KIF1C: variants seen among roughly 807,000 people sequenced by gnomAD.
KIF1C encodes kinesin-like protein KIF1C.
KIF1C carries 61 observed loss-of-function variants against 126.5 expected under a neutral mutation model. The ratio of observed to expected loss-of-function variants is 0.48; its 90% CI spans 0.39 to 0.60. KIF1C has a LOEUF of 0.60. KIF1C is among the 20% of genes least tolerant of loss of function. The pLI is 0.00. For missense variants in KIF1C, 1,315 were observed against 1,489.2 expected (o/e 0.88, Z 1.93); for synonymous variants, 640 against 580.6 (o/e 1.10, Z -1.47).
rs561133764 is a variant in KIF1C at position 5,003,572 on chromosome 17, C to A, written c.721-40C>A. On this transcript the variant is annotated intron_variant, in intron 8 of 22. Coordinates refer to ENST00000320785, the MANE Select transcript of KIF1C (RefSeq NM_006612.6). ...TCCCTGATTTCCCTGCCCCGTCCCC[C>A]ACCCGCACCTTATCTCCTGCCTGTT... is the stretch of plus-strand genomic sequence containing the variant. The A allele has an allele frequency of 6.1e-6, 9 of 1,467,512 alleles. No individual in the cohort carries two copies. The African/African-American group carries it at 6.9e-5, about 11-fold the overall frequency. The allele number at this position is 1,467,512 out of a possible 1,614,324, so 90.9% of individuals were successfully genotyped here.
chr17:5,018,436 G>C (rs1384577340), intron 18 of KIF1C, among the ~76,000 whole-genome samples: 2 of 152,028 alleles, frequency 1.3e-5, no homozygotes, highest in Non-Finnish European at 2.9e-5. Flanking sequence ...GGAGGCCAAG[G>C]CGGGCGGATC....
chr17:5,003,193 C>T (rs868424602), intron 8 of KIF1C, among the ~76,000 whole-genome samples: 4 of 152,048 alleles, frequency 2.6e-5, no homozygotes, highest in African/African-American at 7.2e-5. Flanking sequence ...TACAGGCATG[C>T]GCCACCAGGC....
chr17:5,007,046 T>C lies in KIF1C; in HGVS notation c.1297T>C (p.Ser433Pro), dbSNP rs2143331623. Reference protein sequence around the residue: ...LEPSFSPNTESQIGPEEAMER... With the variant: ...LEPSFSPNTEPQIGPEEAMER... ...GCCGTCATTCTCCCCCAACACGGAG[T>C]CCCAGATTGGGCCTGAGGAAGCCAT... The change falls in exon 14 of 23, where the codon TCC (serine) becomes CCC (proline). Residue 433 changes from serine (S) to proline (P), a missense_variant. This residue lies in a region of KIF1C where 874 missense variants were observed against 1,053.2 expected (regional missense o/e 0.83). Transcript: ENST00000320785. 2.5e-6 allele frequency: 4 copies of C among 1,603,828 alleles called. No homozygotes were observed. Among genetic ancestry groups the C allele is most frequent in the South Asian group, 1.1e-5 (1 of 89,682 alleles).
chr17:5,013,208 C>T (rs1027337158), intron 16 of KIF1C, among the ~76,000 whole-genome samples: 26 of 152,148 alleles, frequency 1.7e-4, no homozygotes, highest in African/African-American at 6.0e-4. Flanking sequence ...CCCAACTCTC[C>T]AGAAGCTGCA....
In KIF1C at chr17:5,023,457, C is replaced by G. The variant is rs1857395739; in HGVS notation, c.2629-11C>G. On this transcript the variant is annotated splice_polypyrimidine_tract_variant and intron_variant, in intron 22 of 22. Transcript: ENST00000320785. This position sits in a 1 kb window ranked among gnomAD's most constrained non-coding sequence, Gnocchi z 4.2. ...CACATCCCTTCTCCTTTTCTCACTC[C>G]TCCCTCCCAGGATCATGAGGATGAG... is the stretch of plus-strand genomic sequence containing the variant. The G allele has an allele frequency of 1.2e-6, 2 of 1,611,650 alleles. No homozygotes were observed. Among genetic ancestry groups the G allele is most frequent in the African/African-American group, 1.3e-5 (1 of 74,864 alleles).
Position 5,003,832 on chromosome 17 carries a change from AT to A in KIF1C, c.799-17del. ...TGGGAGAAGAGGGTCTCATCCCCACATTCCTCATCCTTTTCCAGGAAGGAGC... is the reference window on the plus strand; with the variant it reads ...TGGGAGAAGAGGGTCTCATCCCCACATCCTCATCCTTTTCCAGGAAGGAGC... On this transcript the variant is annotated intron_variant, in intron 9 of 22. Transcript: ENST00000320785. The A allele has an allele frequency of 1.2e-6, 2 of 1,610,030 alleles. No individual in the cohort carries two copies. The highest frequency in any genetic ancestry group is 1.7e-6 in the Non-Finnish European group (2 of 1,176,310).
chr17:5,001,993 G>A (rs1974605674), intron 5 of KIF1C, 66 bp from the exon 6 acceptor site: 7 of 1,462,522 alleles, frequency 4.8e-6, no homozygotes, highest in Admixed American at 1.7e-5. Context: ...GGCCTGGCCT[G>A]TGGCTGGACA....
intron 17 of KIF1C, 21 bp from the exon 18 acceptor site, chr17:5,014,722 C>T (rs1179777862): frequency 1.4e-5 from 22 of 1,555,978 alleles, no homozygotes; most frequent in Admixed American, 1.9e-5. Context: ...TGCTCACAAA[C>T]GTTGGCCATT....
intron 1 of KIF1C, among the ~76,000 whole-genome samples, chr17:4,999,280 A>G (rs1435632597): frequency 2.6e-5 from 4 of 152,194 alleles, no homozygotes; most frequent in African/African-American, 7.2e-5. Flanking sequence ...TGTGGGCCTC[A>G]GGTGGAAACT....
rs1202277491 is a variant in KIF1C at position 5,025,334 on chromosome 17, G to C, written c.*1183G>C. Reference sequence around the variant, plus strand: ...GTTGCTGACAGATACAGAAGGATTTGTGGGGTACAGAGGAGTTCTGCTTTA... The same window carrying C: ...GTTGCTGACAGATACAGAAGGATTTCTGGGGTACAGAGGAGTTCTGCTTTA... On this transcript the variant is annotated 3_prime_UTR_variant, in exon 23 of 23. Transcript: ENST00000320785. 1 of 152,256 alleles carries C rather than the reference G, an allele frequency of 6.6e-6. No homozygotes were observed. Among genetic ancestry groups the C allele is most frequent in the African/African-American group, 2.4e-5 (1 of 41,454 alleles). The allele number at this position is 152,256 out of a possible 1,614,324, so 9.4% of individuals were successfully genotyped here. A position where few individuals can be genotyped will look rare whatever the true frequency, so the allele number is the denominator to read the frequency against.
chr17:5,003,294 G>A (rs978635003), intron 8 of KIF1C, among the ~76,000 whole-genome samples: 2 of 152,034 alleles, frequency 1.3e-5, no homozygotes, highest in Non-Finnish European at 2.9e-5. Context: ...TGATCCAGCC[G>A]CCTCAGCCTC....
intron 16 of KIF1C, among the ~76,000 whole-genome samples, chr17:5,011,402 C>T (rs887665342): frequency 3.3e-5 from 5 of 152,154 alleles, no homozygotes; most frequent in Non-Finnish European, 7.3e-5. Flanking sequence ...AGGGACAGGA[C>T]CAGACCCTGG....
chr17:5,002,900 A>T (rs1974636471), intron 8 of KIF1C, 58 bp downstream of exon 8: 1 of 1,315,386 alleles, frequency 7.6e-7, no homozygotes, highest in African/African-American at 1.5e-5. Flanking sequence ...GGCAACAGGG[A>T]CAGTGACATG....
chr17:5,005,730 C>CTT (rs72032376), intron 13 of KIF1C, among the ~76,000 whole-genome samples: 5 of 142,556 alleles, frequency 3.5e-5, no homozygotes, highest in Admixed American at 7.0e-5. Context: ...GCTAAGAATT[C>CTT]TTTTTTTTTT....
At position 5,022,481 on chromosome 17, in the gene KIF1C, C is replaced by G. The variant is rs1049195873; in HGVS notation, c.2400C>G (p.Ala800=). Residue 800 remains alanine, a synonymous_variant, in exon 22 of 23, where the codon GCC becomes GCG. Coordinates refer to ENST00000320785, the MANE Select transcript of KIF1C (RefSeq NM_006612.6). The surrounding 1 kb of genome is among the most constrained non-coding windows in gnomAD (Gnocchi z 4.9). ...CCGGAGACGCCTGGAGGGCTGTGGC[C>G]CGGGATGTCTGGGACACTGTAGGCG... ...DGPGDAWRAV[A]RDVWDTVGEE... 2 of 1,586,796 alleles carry G rather than the reference C, an allele frequency of 1.3e-6. No individual in the cohort carries two copies. The highest frequency in any genetic ancestry group is 2.3e-5 in the South Asian group (2 of 87,750).
chr17:5,002,111 C>G lies in KIF1C; in HGVS notation c.416C>G (p.Ser139Cys), dbSNP rs578027417. 11 of 1,614,086 alleles carry G rather than the reference C, an allele frequency of 6.8e-6. No individual in the cohort carries two copies. The Admixed American group carries it at 1.0e-4, about 15-fold the overall frequency. The change falls in exon 6 of 23, where the codon TCC becomes TGC. Residue 139 changes from serine to cysteine, a missense_variant. By Grantham distance (112) the Ser-to-Cys change is moderately radical. Coordinates refer to ENST00000320785, the MANE Select transcript of KIF1C (RefSeq NM_006612.6). Reference protein sequence around the residue: ...RVSENQSAQLSYSVEVSYMEI... With the variant: ...RVSENQSAQLCYSVEVSYMEI... ...AGTGAGAACCAGAGTGCTCAGCTATCCTACTCTGTGGAGGTAAGCCCGGGT... is the reference window on the plus strand; with the variant it reads ...AGTGAGAACCAGAGTGCTCAGCTATGCTACTCTGTGGAGGTAAGCCCGGGT...
Position 5,000,887 on chromosome 17 carries a change from GAC to G in KIF1C, c.183+41_183+42del, listed in dbSNP as rs769562217. The G allele has an allele frequency of 8.8e-6, 14 of 1,586,848 alleles. No individual in the cohort carries two copies. In the South Asian group the frequency reaches 1.5e-4, roughly 18 times the overall value. On this transcript the variant is annotated intron_variant, in intron 4 of 22. Coordinates refer to ENST00000320785, the MANE Select transcript of KIF1C (RefSeq NM_006612.6). ...CTGGGGGAAGAGCAAGGCAGTGAGA[GAC>G]AGAGGATTTAGGTCCTGGGGAGGGG...
Position 5,014,837 on chromosome 17 carries a change from G to A in KIF1C, c.1666G>A (p.Val556Met). The change falls in exon 18 of 23, where the codon GTG becomes ATG. Residue 556 changes from valine to methionine, a missense_variant and splice_region_variant. Val to Met is a conservative substitution (Grantham distance 21). Coordinates refer to ENST00000320785, the MANE Select transcript of KIF1C (RefSeq NM_006612.6). ...GAGCATCCCCCAGCCAGATGGAGAA[G>A]GTAATGGCTGAGGGGGTGAGAGAGG... Reference protein sequence around the residue: ...FRSIPQPDGEVVVTLEPCEGA... With the variant: ...FRSIPQPDGEMVVTLEPCEGA... 2.5e-6 allele frequency: 4 copies of A among 1,583,290 alleles called. No individual in the cohort carries two copies. Among genetic ancestry groups the A allele is most frequent in the Non-Finnish European group, 3.4e-6 (4 of 1,164,176 alleles).
intron 18 of KIF1C, among the ~76,000 whole-genome samples, chr17:5,017,728 A>C (rs1442218744): frequency 1.3e-5 from 2 of 151,504 alleles, no homozygotes; most frequent in African/African-American, 4.9e-5. Flanking sequence ...GTGCGTCCGC[A>C]TTTTCTCACA....
Sources: allele counts gnomAD v4.1 joint callset (sites outside exome capture counted in the v4.1 genomes callset), GRCh38; gene constraint gnomAD v4.1.1; regional missense constraint gnomAD v4.1.1; non-coding constraint Gnocchi (gnomAD v3.1); transcripts MANE v1.5; gene names NCBI Gene and HGNC (gene_info 2026-07-23, HGNC 2026-07-21).